The following TENM4 variants were observed in gnomAD, a reference collection of about 807,000 sequenced individuals.
TENM4 encodes the protein teneurin transmembrane protein 4.
Under a neutral mutation model 243.3 loss-of-function variants are expected in TENM4, and 82 were observed. The observed-to-expected ratio is 0.34, with a 90% confidence interval of 0.28 to 0.40. TENM4 has a LOEUF of 0.40. Among genes scored for constraint, TENM4 ranks in the 10% least tolerant of loss-of-function variants. TENM4 has a pLI of 1.00. For synonymous variants in TENM4, 1,412 were observed against 1,456.3 expected, an observed-to-expected ratio of 0.97 and a Z score of 0.69; for missense variants, 3,138 against 3,673.3, an observed-to-expected ratio of 0.85 and a Z score of 3.77.
At chr11:79,138,388 TAATATA>T (rs1351294604) in intron 4 of TENM4, among the ~76,000 whole-genome samples, 1 of 120,158 alleles carries the variant, frequency 8.3e-6, no homozygotes, top group African/African-American at 3.3e-5. Flanking sequence ...ATATATTATA[TAATATA>T]GTTATATATA....
At position 78,676,281 on chromosome 11, in the gene TENM4, G is replaced by A. The variant is rs770393076; in HGVS notation, c.5367C>T (p.Gly1789=). The A allele has an allele frequency of 1.2e-6, 2 of 1,612,800 alleles. No individual in the cohort carries two copies. Among genetic ancestry groups the A allele is most frequent in the South Asian group, 1.1e-5 (1 of 91,024 alleles). ...TCTTGCCCACGGTGGGGTTGACGGT[G>A]CCAGCCAGCAAGTGGGGCTCAGTCT... is the stretch of plus-strand genomic sequence containing the variant. ...ALQTEPHLLA[G]TVNPTVGKRN... Residue 1789 remains glycine (G), a synonymous_variant, in exon 30 of 34, where the codon GGC becomes GGT. Coordinates refer to ENST00000278550, the MANE Select transcript of TENM4 (RefSeq NM_001098816.3).
At chr11:79,077,457 T>TA (rs974427419) in intron 4 of TENM4, among the ~76,000 whole-genome samples, 73 of 152,350 alleles carry the variant, frequency 4.8e-4, no homozygotes, top group African/African-American at 1.6e-3. Context: ...TTCTCTTGCC[T>TA]ACAGTAAAAA....
At chr11:78,832,658 T>A (rs1014457895) in intron 12 of TENM4, among the ~76,000 whole-genome samples, 11 of 152,240 alleles carry the variant, frequency 7.2e-5, no homozygotes, top group African/African-American at 2.4e-4. Flanking sequence ...CTGAACACTT[T>A]GCATGTGTTA....
intron 1 of TENM4, among the ~76,000 whole-genome samples, chr11:79,398,020 A>G (rs1858380799): frequency 6.6e-6 from 1 of 152,184 alleles, no homozygotes; most frequent in African/African-American, 2.4e-5. Flanking sequence ...TAAGGTTCAG[A>G]AAGATTATTT....
intron 1 of TENM4, among the ~76,000 whole-genome samples, chr11:79,313,301 T>G (rs1856751698): frequency 6.6e-6 from 1 of 152,110 alleles, no homozygotes. Flanking sequence ...CAAAGACAAC[T>G]CCAGCTGAGG....
chr11:79,394,723 C>T (rs1054103280), intron 1 of TENM4, among the ~76,000 whole-genome samples: 5 of 152,146 alleles, frequency 3.3e-5, no homozygotes, highest in African/African-American at 9.7e-5. Context: ...AAGGTGTAGT[C>T]CTGATGGAAT....
At chr11:79,421,412 A>G (rs1858928246) in intron 1 of TENM4, among the ~76,000 whole-genome samples, 2 of 152,210 alleles carry the variant, frequency 1.3e-5, no homozygotes, top group African/African-American at 4.8e-5. Flanking sequence ...ATAGTCATAA[A>G]GTGCATTCCT....
intron 2 of TENM4, among the ~76,000 whole-genome samples, chr11:79,247,568 G>A (rs9634033): frequency 0.52 from 79,535 of 152,056 alleles, 21,215 homozygotes; most frequent in East Asian, 0.68. Flanking sequence ...TCCAGACCCC[G>A]TGTTGGGAGT....
intron 6 of TENM4, among the ~76,000 whole-genome samples, chr11:79,025,049 C>T (rs1193946086): frequency 6.6e-6 from 1 of 152,148 alleles, no homozygotes; most frequent in East Asian, 1.9e-4. Flanking sequence ...TGGCATGCTC[C>T]TTTGGGAACC....
At chr11:79,175,866 C>A (rs1863148341) in intron 3 of TENM4, among the ~76,000 whole-genome samples, 1 of 152,156 alleles carries the variant, frequency 6.6e-6, no homozygotes, top group South Asian at 2.1e-4. Context: ...AGGAAGATCA[C>A]TTGAGCCCAG....
At chr11:79,244,527 G>A (rs760920856) in intron 2 of TENM4, among the ~76,000 whole-genome samples, 1 of 152,052 alleles carries the variant, frequency 6.6e-6, no homozygotes, top group Non-Finnish European at 1.5e-5. Flanking sequence ...TGATAGGAGA[G>A]GCCAGAGAAT....
At chr11:78,924,152 G>T (rs956621604) in intron 6 of TENM4, among the ~76,000 whole-genome samples, 3 of 152,228 alleles carry the variant, frequency 2.0e-5, no homozygotes, top group African/African-American at 4.8e-5. Flanking sequence ...ACCATACCCA[G>T]CCTGTTCTTT....
intron 15 of TENM4, among the ~76,000 whole-genome samples, chr11:78,792,349 A>G (rs1365367195): frequency 6.6e-6 from 1 of 152,212 alleles, no homozygotes; most frequent in Non-Finnish European, 1.5e-5. Context: ...GGTAGAAGCC[A>G]TTTGTATTTG....
At chr11:79,133,455 C>G (rs530952249) in intron 4 of TENM4, among the ~76,000 whole-genome samples, 1 of 152,110 alleles carries the variant, frequency 6.6e-6, no homozygotes, top group Non-Finnish European at 1.5e-5. Context: ...CCTTTTGACA[C>G]TATTCCACAA....
chr11:78,964,573 C>T (rs564194365), intron 6 of TENM4, among the ~76,000 whole-genome samples: 1 of 152,340 alleles, frequency 6.6e-6, no homozygotes, highest in South Asian at 2.1e-4. Context: ...TTTAAGCCAG[C>T]ATTCCCGATT....
At chr11:78,985,994 T>G (rs905317775) in intron 6 of TENM4, among the ~76,000 whole-genome samples, 1 of 152,238 alleles carries the variant, frequency 6.6e-6, no homozygotes, top group African/African-American at 2.4e-5. Flanking sequence ...AAATCCCTGG[T>G]GTCCCTCCAA....
At chr11:79,275,077 T>C (rs1856030347) in intron 2 of TENM4, among the ~76,000 whole-genome samples, 1 of 152,194 alleles carries the variant, frequency 6.6e-6, no homozygotes, top group African/African-American at 2.4e-5. Flanking sequence ...TTGTGGTCAG[T>C]AAAAGTTGGA....
At chr11:78,936,115 C>A (rs1360399016) in intron 6 of TENM4, among the ~76,000 whole-genome samples, 2 of 152,180 alleles carry the variant, frequency 1.3e-5, no homozygotes, top group African/African-American at 4.8e-5. Context: ...AAGGTGAGTT[C>A]TTGCAGGGCT....
chr11:78,742,598 CAGTT>C (rs947202574), intron 19 of TENM4, among the ~76,000 whole-genome samples: 12 of 152,276 alleles, frequency 7.9e-5, no homozygotes, highest in African/African-American at 2.9e-4. Flanking sequence ...ATAAAACAAG[CAGTT>C]AGGCTAGGTG....
Sources: gnomAD v4.1 joint callset for allele counts (sites outside exome capture counted in the v4.1 genomes callset) on GRCh38, gnomAD v4.1.1 for gene constraint, MANE v1.5 for transcripts, NCBI Gene and HGNC (gene_info 2026-07-23, HGNC 2026-07-21) for gene names.